TMEM184B: variants seen among roughly 807,000 people sequenced by gnomAD.
TMEM184B encodes the protein putative MAPK-activating protein FM08.
A neutral mutation model predicts 41.8 loss-of-function variants in TMEM184B; 17 were observed. The ratio of observed to expected loss-of-function variants is 0.41; its 90% CI spans 0.28 to 0.61. The LOEUF (loss-of-function observed/expected upper bound fraction) is 0.61, where lower values mean the gene tolerates loss of function less well. Ranked by LOEUF, TMEM184B falls within the 20% of genes least tolerant of loss-of-function variation. The pLI is 0.34. For synonymous variants in TMEM184B, 240 were observed against 229.5 expected, an observed-to-expected ratio of 1.05 and a Z score of -0.41; for missense variants, 393 against 557.8, an observed-to-expected ratio of 0.70 and a Z score of 2.98.
intron 1 of TMEM184B, among the ~76,000 whole-genome samples, chr22:38,263,562 G>T (rs951004058): frequency 6.6e-6 from 1 of 152,150 alleles, no homozygotes; most frequent in Non-Finnish European, 1.5e-5. Context: ...CCCTGCGAAT[G>T]AACATTTAAG....
intron 1 of TMEM184B, among the ~76,000 whole-genome samples, chr22:38,254,526 G>A (rs1021063230): frequency 6.6e-5 from 10 of 152,042 alleles, no homozygotes; most frequent in Non-Finnish European, 1.5e-5. Flanking sequence ...CTTGAACCCG[G>A]GAGGTGGAGC....
At chr22:38,265,053 T>A (rs867541493) in intron 1 of TMEM184B, among the ~76,000 whole-genome samples, 6 of 152,204 alleles carry the variant, frequency 3.9e-5, no homozygotes, top group African/African-American at 1.4e-4. Context: ...ACATCCTATT[T>A]AAACTCCATT....
Position 38,220,176 on chromosome 22 carries a change from C to A in TMEM184B, c.*1293G>T, listed in dbSNP as rs926436374. 4.1e-6 allele frequency: 4 copies of A among 985,528 alleles called. No homozygotes were observed. Among genetic ancestry groups the A allele is most frequent in the Non-Finnish European group, 4.8e-6 (4 of 829,968 alleles). The allele number at this position is 985,528 out of a possible 1,614,324, so 61.0% of individuals were successfully genotyped here. ...AAGTCAGGAGCTAGTATAAGCCCAG[C>A]CTGCTGGGGGTTCCGGAGGCCCCAG... On this transcript the variant is annotated 3_prime_UTR_variant, in exon 9 of 9. Transcript: ENST00000361906.
At chr22:38,238,227 CTTTTTTT>C (rs1029386970) in intron 3 of TMEM184B, among the ~76,000 whole-genome samples, 2 of 137,528 alleles carry the variant, frequency 1.5e-5, no homozygotes, top group South Asian at 4.6e-4. Flanking sequence ...CTATCAACTT[CTTTTTTT>C]TTTTTTTTTT....
At chr22:38,256,392 T>A (rs2092279764) in intron 1 of TMEM184B, among the ~76,000 whole-genome samples, 2 of 151,978 alleles carry the variant, frequency 1.3e-5, no homozygotes, top group South Asian at 4.2e-4. Context: ...TTTTGTATTT[T>A]TAGTAGAGAC....
intron 1 of TMEM184B, among the ~76,000 whole-genome samples, chr22:38,254,031 T>C (rs945337743): frequency 6.6e-6 from 1 of 151,954 alleles, no homozygotes; most frequent in African/African-American, 2.4e-5. Context: ...TGAAACCCTG[T>C]CTCTACTAAA....
rs561931751 is a variant in TMEM184B at position 38,253,598 on chromosome 22, A to G, written c.-58-5579T>C. ...AAATAAATAAATAAATAAATAATAAAAAACCTTAACATAAACCCTTACACA... is the reference window on the plus strand; with the variant it reads ...AAATAAATAAATAAATAAATAATAAGAAACCTTAACATAAACCCTTACACA... On this transcript the variant is annotated intron_variant, in intron 1 of 8. Coordinates refer to ENST00000361906, the MANE Select transcript of TMEM184B (RefSeq NM_012264.5). Among the ~76,000 whole-genome samples the G allele has an allele frequency of 6.1e-4, 93 of 152,216 alleles. No homozygotes were observed. The South Asian group carries it at 0.019, about 32-fold the overall frequency.
chr22:38,267,734 T>C lies in TMEM184B; in HGVS notation c.-59+5150A>G, dbSNP rs184858520. Among the ~76,000 whole-genome samples, 639 of 152,202 alleles carry C rather than the reference T, an allele frequency of 4.2e-3. 2 individuals carry two copies. Among genetic ancestry groups the C allele is most frequent in the Non-Finnish European group, 6.9e-3 (471 of 67,990 alleles). ...AGGTGTGAGCCACCGCACCTAGCCA[T>C]ATCCGTCATTTTTCAAGAATAATTA... is the stretch of plus-strand genomic sequence containing the variant. On this transcript the variant is annotated intron_variant, in intron 1 of 8. Coordinates refer to ENST00000361906, the MANE Select transcript of TMEM184B (RefSeq NM_012264.5).
At position 38,226,755 on chromosome 22, in the gene TMEM184B, C is replaced by A. The variant is rs754744062; in HGVS notation, c.617+24G>T. ...CCTGCGCCAACACTCCTCCCACACA[C>A]CCCGGGGAGCACCCGCTGCTTACTC... On this transcript the variant is annotated intron_variant, in intron 6 of 8. Coordinates refer to ENST00000361906, the MANE Select transcript of TMEM184B (RefSeq NM_012264.5). This position sits in a 1 kb window ranked among gnomAD's most constrained non-coding sequence, Gnocchi z 4.6. 1.7e-5 allele frequency: 26 copies of A among 1,571,998 alleles called. No individual in the cohort carries two copies. Among genetic ancestry groups the A allele is most frequent in the Non-Finnish European group, 2.1e-5 (24 of 1,158,324 alleles).
intron 3 of TMEM184B, chr22:38,231,597 G>A (rs2091624673): frequency 1.7e-6 from 1 of 600,368 alleles, no homozygotes; most frequent in African/African-American, 1.8e-5. Context: ...TGAAGGGACT[G>A]TCGTGAGTTC....
At position 38,258,519 on chromosome 22, in the gene TMEM184B, C is replaced by T. The variant is rs994773541; in HGVS notation, c.-58-10500G>A. ...TTCACCATATTGGCCAGGCTGGTCT[C>T]GAACTCCTGACCTCAAGTGATCCAC... On this transcript the variant is annotated intron_variant, in intron 1 of 8. Coordinates refer to ENST00000361906, the MANE Select transcript of TMEM184B (RefSeq NM_012264.5). Among the ~76,000 whole-genome samples, 6 of 152,036 alleles carry T rather than the reference C, an allele frequency of 3.9e-5. 1 individual carries two copies. The highest frequency in any genetic ancestry group is 6.8e-3 in the Middle Eastern group (2 of 294).
intron 1 of TMEM184B, among the ~76,000 whole-genome samples, chr22:38,267,795 C>T (rs1238895258): frequency 6.6e-6 from 1 of 152,134 alleles, no homozygotes; most frequent in Non-Finnish European, 1.5e-5. Context: ...ACAAACCCAT[C>T]CAACCATTCA....
chr22:38,268,867 C>T (rs1165468858), intron 1 of TMEM184B, among the ~76,000 whole-genome samples: 3 of 152,282 alleles, frequency 2.0e-5, no homozygotes, highest in Non-Finnish European at 2.9e-5. Flanking sequence ...TCCCCGCAAA[C>T]AGCCTGGCAC....
At chr22:38,248,640 C>G (rs187678977) in intron 1 of TMEM184B, among the ~76,000 whole-genome samples, 1 of 152,214 alleles carries the variant, frequency 6.6e-6, no homozygotes, top group African/African-American at 2.4e-5. Flanking sequence ...CCGACTAACT[C>G]GATTCACTCA....
intron 1 of TMEM184B, among the ~76,000 whole-genome samples, chr22:38,269,783 G>A (rs2092495181): frequency 6.6e-6 from 1 of 152,154 alleles, no homozygotes; most frequent in Non-Finnish European, 1.5e-5. Flanking sequence ...ACAACAGTGG[G>A]CTCCAGAACC....
At chr22:38,251,620 G>C (rs533910788) in intron 1 of TMEM184B, among the ~76,000 whole-genome samples, 6 of 152,316 alleles carry the variant, frequency 3.9e-5, no homozygotes, top group African/African-American at 1.4e-4. Context: ...GGCTGGGGCA[G>C]GGTGGGCACT....
chr22:38,233,140 C>T (rs929946240), intron 3 of TMEM184B, among the ~76,000 whole-genome samples: 3 of 152,166 alleles, frequency 2.0e-5, no homozygotes, highest in Non-Finnish European at 4.4e-5. Flanking sequence ...TGGCCTTCAG[C>T]GATTTGGAAA....
In TMEM184B at chr22:38,220,678, T is replaced by C. The variant is rs540703068; in HGVS notation, c.*791A>G. 6 of 986,244 alleles carry C rather than the reference T, an allele frequency of 6.1e-6. No individual in the cohort carries two copies. In the South Asian group the frequency reaches 2.8e-4, roughly 46 times the overall value. The allele number at this position is 986,244 out of a possible 1,614,324, so 61.1% of individuals were successfully genotyped here. A position where few individuals can be genotyped will look rare whatever the true frequency, so the allele number is the denominator to read the frequency against. On this transcript the variant is annotated 3_prime_UTR_variant, in exon 9 of 9. Coordinates refer to ENST00000361906, the MANE Select transcript of TMEM184B (RefSeq NM_012264.5). Reference sequence around the variant, plus strand: ...CCTGAAGCAGCCAGGAAGCAAGGGCTCTGCCCAAAGCTATCGAGGAAGGAC... The same window carrying C: ...CCTGAAGCAGCCAGGAAGCAAGGGCCCTGCCCAAAGCTATCGAGGAAGGAC...
intron 1 of TMEM184B, among the ~76,000 whole-genome samples, chr22:38,260,372 T>C (rs2092352944): frequency 6.6e-6 from 1 of 152,134 alleles, no homozygotes; most frequent in African/African-American, 2.4e-5. Flanking sequence ...GTGTTTTAAG[T>C]CACTAAGTTT....
Sources: gnomAD v4.1 joint callset for allele counts (sites outside exome capture counted in the v4.1 genomes callset) on GRCh38, gnomAD v4.1.1 for gene constraint, Gnocchi (gnomAD v3.1) non-coding constraint, MANE v1.5 for transcripts, NCBI Gene and HGNC (gene_info 2026-07-23, HGNC 2026-07-21) for gene names.